The following EYS variants were observed in gnomAD, a reference collection of about 807,000 sequenced individuals.
EYS encodes EGF-like photoreceptor maintenance factor, also known as protein eyes shut homolog.
Under a neutral mutation model 282.1 loss-of-function variants are expected in EYS, and 250 were observed. The observed-to-expected ratio is 0.89, with a 90% CI of 0.80 to 0.98. The LOEUF (loss-of-function observed/expected upper bound fraction) is 0.98, where lower values mean the gene tolerates loss of function less well. EYS is among the 50% of genes least tolerant of loss of function. The probability of loss-of-function intolerance (pLI) is 0.00; values close to 1 mark genes in which losing one functional copy is unlikely to be tolerated. For missense variants in EYS, 4,016 were observed against 3,709.0 expected (o/e 1.08, Z -2.15); for synonymous variants, 1,355 against 1,282.9 (o/e 1.06, Z -1.20).
intron 1 of EYS, among the ~76,000 whole-genome samples, chr6:65,653,602 T>A (rs1767726213): frequency 1.3e-5 from 2 of 151,958 alleles, no homozygotes; most frequent in African/African-American, 4.8e-5. Context: ...CTTTTAATTC[T>A]GACTCATGTA....
At chr6:64,511,503 C>T (rs939738465) in intron 26 of EYS, among the ~76,000 whole-genome samples, 6 of 151,808 alleles carry the variant, frequency 4.0e-5, no homozygotes, top group African/African-American at 1.5e-4. Flanking sequence ...AGTGTGGTAC[C>T]TAATAAATGA....
intron 19 of EYS, among the ~76,000 whole-genome samples, chr6:64,830,812 C>T (rs1765190653): frequency 6.8e-6 from 1 of 146,880 alleles, no homozygotes; most frequent in Non-Finnish European, 1.5e-5. Context: ...AATGAGCATT[C>T]CAGGTCCCCA....
At chr6:63,791,977 G>A (rs1770528836) in intron 37 of EYS, among the ~76,000 whole-genome samples, 1 of 152,090 alleles carries the variant, frequency 6.6e-6, no homozygotes, top group Non-Finnish European at 1.5e-5. Flanking sequence ...AGGAAAATTT[G>A]AAAGGACAGA....
intron 12 of EYS, among the ~76,000 whole-genome samples, chr6:65,131,206 C>A (rs1775865221): frequency 6.6e-6 from 1 of 151,634 alleles, no homozygotes; most frequent in South Asian, 2.1e-4. Context: ...AGTCATTTCC[C>A]TTGAGCTTAG....
At position 64,198,096 on chromosome 6, in the gene EYS, C is replaced by T. The variant is rs146236783; in HGVS notation, c.6424+32496G>A. 8.9e-3 allele frequency among the ~76,000 whole-genome samples: 1,349 copies of T among 151,864 alleles called. 17 individuals carry two copies. The highest frequency in any genetic ancestry group is 0.03 in the African/African-American group (1,261 of 41,484). On this transcript the variant is annotated intron_variant, in intron 31 of 42. Transcript: ENST00000503581. ...CAAGCTCCGCTTCCCGGGTTCACGCCATTCTCCTGCCTCAGCCTCCCAAGT... is the reference window on the plus strand; with the variant it reads ...CAAGCTCCGCTTCCCGGGTTCACGCTATTCTCCTGCCTCAGCCTCCCAAGT...
intron 22 of EYS, among the ~76,000 whole-genome samples, chr6:64,707,878 GA>G (rs138723072): frequency 2.0e-5 from 3 of 151,006 alleles, no homozygotes; most frequent in African/African-American, 7.3e-5. Context: ...TCCTTAAAAA[GA>G]AAAAAAACAT....
At chr6:64,075,736 T>G (rs1771750694) in intron 32 of EYS, among the ~76,000 whole-genome samples, 1 of 151,992 alleles carries the variant, frequency 6.6e-6, no homozygotes, top group African/African-American at 2.4e-5. Context: ...TAAAGCATTA[T>G]CTGAATAAGT....
chr6:64,652,914 T>C (rs1295361189), intron 22 of EYS, among the ~76,000 whole-genome samples: 2 of 152,190 alleles, frequency 1.3e-5, no homozygotes, highest in African/African-American at 2.4e-5. Flanking sequence ...GCATTTTACA[T>C]ACATTCGCAC....
chr6:65,044,477 C>T (rs1773039561), intron 13 of EYS, among the ~76,000 whole-genome samples: 1 of 151,664 alleles, frequency 6.6e-6, no homozygotes, highest in Non-Finnish European at 1.5e-5. Flanking sequence ...TGGAGATTTT[C>T]CCCTATATTT....
At chr6:65,428,204 C>T (rs1373666625) in intron 5 of EYS, among the ~76,000 whole-genome samples, 2 of 151,974 alleles carry the variant, frequency 1.3e-5, no homozygotes, top group Admixed American at 6.6e-5. Context: ...TTATTTTGAA[C>T]ATTGACCCAG....
chr6:65,706,211 CAT>C (rs34762793), intron 1 of EYS, among the ~76,000 whole-genome samples: 31,597 of 151,416 alleles, frequency 0.21, 3,769 homozygotes, highest in African/African-American at 0.34. Context: ...CATATATACA[CAT>C]GAGTATATAT....
intron 5 of EYS, among the ~76,000 whole-genome samples, chr6:65,459,848 C>A (rs1764752880): frequency 6.7e-6 from 1 of 150,262 alleles, no homozygotes; most frequent in African/African-American, 2.4e-5. Context: ...ACAAAGTAGT[C>A]ACTGTATTTT....
Position 65,413,170 on chromosome 6 carries a change from A to G in EYS, c.863-7803T>C, listed in dbSNP as rs571823760. 2.6e-5 allele frequency among the ~76,000 whole-genome samples: 4 copies of G among 152,292 alleles called. No individual in the cohort carries two copies. The East Asian group carries it at 5.8e-4, about 22-fold the overall frequency. ...ATGATCATATATGCCTAGACCCCCA[A>G]ATTAAGATATCAGACTTTTTCTTAT... On this transcript the variant is annotated intron_variant, in intron 5 of 42. Coordinates refer to ENST00000503581, the MANE Select transcript of EYS (RefSeq NM_001142800.2).
chr6:64,196,557 T>G (rs1374913652), intron 31 of EYS, among the ~76,000 whole-genome samples: 53 of 152,124 alleles, frequency 3.5e-4, no homozygotes, highest in Admixed American at 3.5e-3. Context: ...CGGAATACTA[T>G]GCAGCCATGA....
intron 29 of EYS, among the ~76,000 whole-genome samples, chr6:64,374,541 TA>T (rs1772503366): frequency 6.6e-6 from 1 of 152,156 alleles, no homozygotes. Flanking sequence ...GATGTTTTCC[TA>T]GCTCCATGCT....
At chr6:64,371,273 C>T (rs1772360217) in intron 29 of EYS, among the ~76,000 whole-genome samples, 1 of 148,600 alleles carries the variant, frequency 6.7e-6, no homozygotes. Context: ...TTTGTTTACC[C>T]AGAAGTCATT....
At chr6:64,546,366 T>G (rs1372744607) in intron 26 of EYS, among the ~76,000 whole-genome samples, 1 of 152,166 alleles carries the variant, frequency 6.6e-6, no homozygotes, top group East Asian at 1.9e-4. Context: ...TATACAAAAA[T>G]TAATTCACGT....
chr6:64,691,769 G>T (rs1205198163), intron 22 of EYS, among the ~76,000 whole-genome samples: 1 of 152,130 alleles, frequency 6.6e-6, no homozygotes, highest in Non-Finnish European at 1.5e-5. Context: ...TTCTGTTTCT[G>T]CATTAATTCG....
chr6:65,483,597 T>C (rs1206731401), intron 5 of EYS, among the ~76,000 whole-genome samples: 1 of 152,086 alleles, frequency 6.6e-6, no homozygotes, highest in Non-Finnish European at 1.5e-5. Context: ...CAGTTGATCA[T>C]GGTAGAAAAA....
Sources: allele counts gnomAD v4.1 joint callset (sites outside exome capture counted in the v4.1 genomes callset), GRCh38; gene constraint gnomAD v4.1.1; transcripts MANE v1.5; gene names NCBI Gene and HGNC (gene_info 2026-07-23, HGNC 2026-07-21).